The following WDPCP variants were observed in gnomAD, a reference collection of about 807,000 sequenced individuals.
The protein encoded by WDPCP is WD repeat containing planar cell polarity effector.
Under a neutral mutation model 93.1 loss-of-function variants are expected in WDPCP, and 71 were observed. The ratio of observed to expected loss-of-function variants is 0.76; its 90% CI spans 0.63 to 0.93. The LOEUF (loss-of-function observed/expected upper bound fraction) is 0.93, where lower values mean the gene tolerates loss of function less well. Among genes scored for constraint, WDPCP ranks in the 40% least tolerant of loss-of-function variants. The probability of loss-of-function intolerance (pLI) is 0.00; values close to 1 mark genes in which losing one functional copy is unlikely to be tolerated. For missense variants in WDPCP, 844 were observed against 887.4 expected (o/e 0.95, Z 0.62); for synonymous variants, 315 against 315.0 (o/e 1.00, Z 0.00).
intron 1 of WDPCP, among the ~76,000 whole-genome samples, chr2:63,570,559 C>A (rs1041691950): frequency 3.7e-4 from 56 of 152,100 alleles, no homozygotes; most frequent in African/African-American, 1.3e-3. Flanking sequence ...ATAGGTATTA[C>A]CTGCCCTAGG....
chr2:63,759,171 A>G (rs1167193205), intron 2 of WDPCP, among the ~76,000 whole-genome samples: 1 of 152,120 alleles, frequency 6.6e-6, no homozygotes, highest in East Asian at 1.9e-4. Flanking sequence ...TGAAGCTCAT[A>G]AGGCATAAGC....
At chr2:63,738,707 A>G (rs956378044) in intron 2 of WDPCP, among the ~76,000 whole-genome samples, 1 of 152,218 alleles carries the variant, frequency 6.6e-6, no homozygotes, top group African/African-American at 2.4e-5. Flanking sequence ...GTCATAAAGG[A>G]TAAATGTTTA....
At chr2:63,134,532 T>C (rs1431766332) in intron 17 of WDPCP, among the ~76,000 whole-genome samples, 4 of 152,174 alleles carry the variant, frequency 2.6e-5, no homozygotes, top group Non-Finnish European at 4.4e-5. Context: ...GAATGCTGTG[T>C]TTTCAAAGGT....
At chr2:63,328,980 G>A (rs1425343829) in intron 12 of WDPCP, among the ~76,000 whole-genome samples, 1 of 152,154 alleles carries the variant, frequency 6.6e-6, no homozygotes, top group East Asian at 1.9e-4. Context: ...GCTGGCCTTG[G>A]CCTCCCAAAG....
chr2:63,528,119 C>T (rs1703499865), intron 1 of WDPCP, among the ~76,000 whole-genome samples: 1 of 152,070 alleles, frequency 6.6e-6, no homozygotes, highest in African/African-American at 2.4e-5. Flanking sequence ...GATATTAGCC[C>T]TTTGTCAGAT....
intron 14 of WDPCP, among the ~76,000 whole-genome samples, chr2:63,190,216 C>T (rs1371697552): frequency 6.6e-6 from 1 of 151,810 alleles, no homozygotes; most frequent in Non-Finnish European, 1.5e-5. Flanking sequence ...TTGCTTGAGC[C>T]AAGCAGTTCA....
intron 3 of WDPCP, among the ~76,000 whole-genome samples, chr2:63,632,541 CAG>C (rs1709875188): frequency 1.3e-5 from 2 of 151,998 alleles, no homozygotes; most frequent in East Asian, 1.9e-4. Flanking sequence ...AAAAAAGAAA[CAG>C]AAATACTGGA....
At chr2:63,786,001 A>G (rs1670462628) in intron 2 of WDPCP, among the ~76,000 whole-genome samples, 1 of 152,148 alleles carries the variant, frequency 6.6e-6, no homozygotes, top group Admixed American at 6.6e-5. Flanking sequence ...TTTTCCACAG[A>G]TAAATTCCTC....
chr2:63,276,019 T>A (rs1683064126), intron 13 of WDPCP, among the ~76,000 whole-genome samples: 1 of 152,196 alleles, frequency 6.6e-6, no homozygotes, highest in Non-Finnish European at 1.5e-5. Context: ...CGGGTATCCA[T>A]GGCTGAAAGA....
At chr2:63,315,597 A>T (rs6545988) in intron 12 of WDPCP, among the ~76,000 whole-genome samples, 1 of 151,876 alleles carries the variant, frequency 6.6e-6, no homozygotes, top group East Asian at 1.9e-4. Flanking sequence ...TGAATTATTA[A>T]AGTAGGCATA....
rs866145161 is a variant in WDPCP, at chr2:63,717,216, G to A, written n.309-66378C>T. ...TCCAGCATGCCAGTGCTTCCTCCACGAATTTGAAAGACATATTGGCTGACC... is the reference window on the plus strand; with the variant it reads ...TCCAGCATGCCAGTGCTTCCTCCACAAATTTGAAAGACATATTGGCTGACC... On this transcript the variant is annotated intron_variant and non_coding_transcript_variant, in intron 2 of 4. Transcript: ENST00000467687. The A allele has an allele frequency of 4.7e-5, 23 of 490,112 alleles. 1 individual carries two copies. The Admixed American group carries it at 5.4e-4, about 12-fold the overall frequency. The allele number at this position is 490,112 out of a possible 1,614,324, so 30.4% of individuals were successfully genotyped here.
At chr2:63,781,886 T>G (rs938554580) in intron 2 of WDPCP, among the ~76,000 whole-genome samples, 33 of 152,088 alleles carry the variant, frequency 2.2e-4, no homozygotes, top group Admixed American at 1.9e-3. Context: ...GGGCCAAAGG[T>G]GGGCACCTAA....
At chr2:63,132,662 T>TA (rs1670366694) in intron 17 of WDPCP, among the ~76,000 whole-genome samples, 1 of 151,854 alleles carries the variant, frequency 6.6e-6, no homozygotes, top group African/African-American at 2.4e-5. Context: ...GTGTGCCCAT[T>TA]ATATTTTTCA....
chr2:63,323,932 A>C (rs1409888336), intron 12 of WDPCP, among the ~76,000 whole-genome samples: 1 of 152,064 alleles, frequency 6.6e-6, no homozygotes, highest in Non-Finnish European at 1.5e-5. Flanking sequence ...GAAACAAAAC[A>C]AACCAAAACC....
chr2:63,171,637 T>C (rs1188564419), intron 15 of WDPCP, among the ~76,000 whole-genome samples: 2 of 152,214 alleles, frequency 1.3e-5, no homozygotes, highest in African/African-American at 2.4e-5. Flanking sequence ...TTCTTAAAAC[T>C]AGCGAATTAA....
intron 3 of WDPCP, among the ~76,000 whole-genome samples, chr2:63,646,931 T>G (rs1303792497): frequency 1.3e-5 from 2 of 152,174 alleles, no homozygotes; most frequent in Admixed American, 6.5e-5. Context: ...CTTCTTGTAC[T>G]TGGATATTGA....
At chr2:63,805,803 G>C (rs950355613) in intron 2 of WDPCP, among the ~76,000 whole-genome samples, 1 of 152,164 alleles carries the variant, frequency 6.6e-6, no homozygotes, top group Non-Finnish European at 1.5e-5. Context: ...TTTGATGTTT[G>C]TCCCCTCCAA....
At chr2:63,186,141 C>G (rs1427644553) in intron 14 of WDPCP, among the ~76,000 whole-genome samples, 3 of 152,182 alleles carry the variant, frequency 2.0e-5, no homozygotes, top group Non-Finnish European at 4.4e-5. Context: ...TTGAATCCCA[C>G]CCTGGCATGA....
chr2:63,743,641 T>C (rs1435516936), intron 2 of WDPCP, among the ~76,000 whole-genome samples: 2 of 152,122 alleles, frequency 1.3e-5, no homozygotes, highest in African/African-American at 2.4e-5. Context: ...CATTAAGAGA[T>C]GGCATTCTAT....
Sources: gnomAD v4.1 joint callset for allele counts (sites outside exome capture counted in the v4.1 genomes callset) on GRCh38, gnomAD v4.1.1 for gene constraint, MANE v1.5 for transcripts, NCBI Gene and HGNC (gene_info 2026-07-23, HGNC 2026-07-21) for gene names.